The following PRRG1 variants were observed in gnomAD, a reference collection of about 807,000 sequenced individuals.
PRRG1 encodes transmembrane gamma-carboxyglutamic acid protein 1.
PRRG1 carries 5 observed loss-of-function variants against 11.8 expected under a neutral mutation model. The ratio of observed to expected loss-of-function variants is 0.42; its 90% CI spans 0.22 to 0.89. PRRG1 has a LOEUF of 0.89. Among genes scored for constraint, PRRG1 ranks in the 40% least tolerant of loss-of-function variants. The pLI is 0.28. For synonymous variants in PRRG1, 66 were observed against 60.4 expected (o/e 1.09, Z -0.43); for missense variants, 155 against 166.1 (o/e 0.93, Z 0.37).
At chrX:37,432,231 A>G (rs782078531) in intron 3 of PRRG1, among the ~76,000 whole-genome samples, 2,146 of 109,166 alleles carry the variant, frequency 0.02, 69 homozygotes, top group African/African-American at 0.067. Flanking sequence ...GGGACTACAG[A>G]CGCCTGCCAC....
At position 37,373,022 on chromosome X, in the gene PRRG1, A is replaced by G. The variant is rs150536407; in HGVS notation, c.-42+23627A>G. On this transcript the variant is annotated intron_variant, in intron 1 of 3. Transcript: ENST00000378628. ...TTCACTCTTTTGCATGTGGATATCC[A>G]GTTTTCCTATCACTATTTATTGAAG... Among the ~76,000 whole-genome samples, 694 of 112,026 alleles carry G rather than the reference A, an allele frequency of 6.2e-3. 2 individuals carry two copies. The highest frequency in any genetic ancestry group is 0.021 in the African/African-American group (654 of 30,834).
chrX:37,395,155 A>G (rs1446310507), intron 1 of PRRG1, among the ~76,000 whole-genome samples: 1 of 112,327 alleles, frequency 8.9e-6, no homozygotes, highest in Non-Finnish European at 1.9e-5. Flanking sequence ...TAAAGAGGCT[A>G]AATAACTTTC....
At chrX:37,398,529 G>A (rs1363490224) in intron 1 of PRRG1, among the ~76,000 whole-genome samples, 2 of 111,618 alleles carry the variant, frequency 1.8e-5, no homozygotes, top group Non-Finnish European at 3.8e-5. Context: ...CAAAGATGGG[G>A]AAAAAACAGA....
At chrX:37,424,179 A>G (rs1370959651) in intron 2 of PRRG1, among the ~76,000 whole-genome samples, 3 of 111,681 alleles carry the variant, frequency 2.7e-5, no homozygotes, top group Admixed American at 1.9e-4. Context: ...GAAGGGCCCT[A>G]AAAAGTCATT....
intron 2 of PRRG1, among the ~76,000 whole-genome samples, chrX:37,423,841 A>AC (rs1932727939): frequency 9.1e-6 from 1 of 110,140 alleles, no homozygotes; most frequent in African/African-American, 3.3e-5. Flanking sequence ...TGCCCTGCAA[A>AC]CTCCTTTTAT....
chrX:37,396,389 G>A (rs1381119296), intron 1 of PRRG1, among the ~76,000 whole-genome samples: 2 of 111,516 alleles, frequency 1.8e-5, no homozygotes, highest in Non-Finnish European at 3.8e-5. Context: ...GAATTCCCAC[G>A]TGTTATGGGA....
chrX:37,397,384 A>T (rs917710217), intron 1 of PRRG1, among the ~76,000 whole-genome samples: 5 of 112,200 alleles, frequency 4.5e-5, no homozygotes, highest in Non-Finnish European at 7.5e-5. Context: ...ACTAAGGGAA[A>T]CTTAAGCACA....
intron 1 of PRRG1, among the ~76,000 whole-genome samples, chrX:37,359,428 T>C (rs1302570851): frequency 9.0e-6 from 1 of 111,435 alleles, no homozygotes; most frequent in Non-Finnish European, 1.9e-5. Context: ...GGCCTGTTGA[T>C]GTTCTGGAGT....
intron 3 of PRRG1, among the ~76,000 whole-genome samples, chrX:37,428,134 C>A: frequency 9.0e-6 from 1 of 111,296 alleles, no homozygotes; most frequent in East Asian, 2.8e-4. Context: ...CTGGGAGATA[C>A]AATTCAAGTT....
At chrX:37,427,094 C>T (rs892611601) in intron 3 of PRRG1, among the ~76,000 whole-genome samples, 45 of 111,247 alleles carry the variant, frequency 4.0e-4, no homozygotes, top group Admixed American at 2.3e-3. Context: ...ATAAACAAAA[C>T]GTGGTTTTTG....
chrX:37,370,874 G>T (rs1028525932), intron 1 of PRRG1, among the ~76,000 whole-genome samples: 2 of 112,050 alleles, frequency 1.8e-5, no homozygotes, highest in Non-Finnish European at 3.8e-5. Context: ...GGCCAGGTGG[G>T]TGCCAACGAG....
intron 3 of PRRG1, chrX:37,441,839 A>G (rs1932986795): frequency 1.3e-6 from 1 of 782,387 alleles, no homozygotes; most frequent in Non-Finnish European, 1.5e-6. Flanking sequence ...TGCGCCTTCC[A>G]CCTGGAGAAG....
chrX:37,425,743 T>C, intron 2 of PRRG1, 97 bp from the exon 3 acceptor site: 2 of 777,661 alleles, frequency 2.6e-6, no homozygotes, highest in South Asian at 3.2e-5. Context: ...GGAAAGAGGT[T>C]TAGGATGTTG....
intron 2 of PRRG1, among the ~76,000 whole-genome samples, chrX:37,409,844 G>A (rs1282516468): frequency 8.9e-6 from 1 of 111,853 alleles, no homozygotes; most frequent in Non-Finnish European, 1.9e-5. Context: ...CATAAATTAA[G>A]GATGCATGAA....
intron 1 of PRRG1, among the ~76,000 whole-genome samples, chrX:37,350,057 G>A (rs1288635075): frequency 9.5e-6 from 1 of 104,834 alleles, no homozygotes; most frequent in African/African-American, 3.5e-5. Context: ...GAGAGCGGGG[G>A]GAGGGGGAGG....
rs1187801240 is a variant in PRRG1 at position 37,456,752 on chromosome X, A to C, written c.*3131A>C. On this transcript the variant is annotated 3_prime_UTR_variant, in exon 4 of 4. Transcript: ENST00000378628. ...TATTTTTTATGCTTTTGTCTTTCTTACCTGATTGATATTACATTCACCTTT... is the reference window on the plus strand; with the variant it reads ...TATTTTTTATGCTTTTGTCTTTCTTCCCTGATTGATATTACATTCACCTTT... 1.8e-5 allele frequency: 2 copies of C among 112,402 alleles called. No homozygotes were observed. The highest frequency in any genetic ancestry group is 6.5e-5 in the African/African-American group (2 of 30,944). 9.3% of individuals were successfully genotyped at this position (112,402 alleles called of 1,213,427 possible).
At chrX:37,378,831 G>A (rs782608626) in intron 1 of PRRG1, among the ~76,000 whole-genome samples, 13 of 110,156 alleles carry the variant, frequency 1.2e-4, no homozygotes, top group Non-Finnish European at 2.1e-4. Context: ...ATATCTGAGA[G>A]AAGAGTTATA....
intron 3 of PRRG1, among the ~76,000 whole-genome samples, chrX:37,444,677 C>G (rs1933042716): frequency 9.0e-6 from 1 of 111,307 alleles, no homozygotes; most frequent in South Asian, 3.9e-4. Flanking sequence ...AAAGACTTCA[C>G]TTGTATACAT....
intron 1 of PRRG1, among the ~76,000 whole-genome samples, chrX:37,376,549 G>GTATA (rs1491489103): frequency 0.016 from 256 of 16,022 alleles, 32 homozygotes; most frequent in Admixed American, 0.05. Flanking sequence ...AGAAATGTGA[G>GTATA]TGTATATATA....
Sources: gnomAD v4.1 joint callset for allele counts (sites outside exome capture counted in the v4.1 genomes callset) on GRCh38, gnomAD v4.1.1 for gene constraint, MANE v1.5 for transcripts, NCBI Gene and HGNC (gene_info 2026-07-23, HGNC 2026-07-21) for gene names.